CCDC171: variants seen among roughly 807,000 people sequenced by gnomAD.
The protein encoded by CCDC171 is coiled-coil domain-containing protein 171.
In CCDC171, 177 loss-of-function variants were observed where a neutral mutation model predicts 168.2. The observed-to-expected ratio is 1.05, with a 90% CI of 0.93 to 1.19. CCDC171 has a LOEUF of 1.19. Among genes scored for constraint, CCDC171 ranks in the 50% most tolerant of loss-of-function variants. The probability of loss-of-function intolerance (pLI) is 0.00; values close to 1 mark genes in which losing one functional copy is unlikely to be tolerated. For missense variants in CCDC171, 1,991 were observed against 1,539.0 expected (o/e 1.29, Z -4.91); for synonymous variants, 687 against 540.8 (o/e 1.27, Z -3.75).
intron 11 of CCDC171, among the ~76,000 whole-genome samples, chr9:15,700,057 T>C (rs568091821): frequency 2.8e-4 from 42 of 152,152 alleles, no homozygotes; most frequent in Non-Finnish European, 5.1e-4. Context: ...TCCTCAGCCC[T>C]TGGGTGGTCG....
intron 18 of CCDC171, among the ~76,000 whole-genome samples, chr9:15,757,253 A>G (rs192304624): frequency 1.8e-4 from 27 of 152,348 alleles, no homozygotes; most frequent in African/African-American, 6.5e-4. Context: ...TCTGATAGAT[A>G]TATGGACAAT....
chr9:15,659,441 CT>C (rs2133005159), intron 8 of CCDC171, among the ~76,000 whole-genome samples: 1 of 152,220 alleles, frequency 6.6e-6, no homozygotes, highest in East Asian at 1.9e-4. Flanking sequence ...AAGAGATTAA[CT>C]TTAATGAAGA....
In CCDC171 at chr9:15,777,801, GT is replaced by G. The variant is rs762562922; in HGVS notation, c.2876del (p.Leu959CysfsTer37). 1.7e-5 allele frequency: 28 copies of G among 1,610,800 alleles called. No individual in the cohort carries two copies. The South Asian group carries it at 3.1e-4, about 18-fold the overall frequency. On this transcript the variant is annotated frameshift_variant, in exon 19 of 26. Transcript: ENST00000380701. LOFTEE classifies it high-confidence loss of function. ...GTAAACACACTGGCCCTGAAATATG[GT>G]TTGCGTGGCCATGTGCCCATTACGG... ...HKVNTLALKYGLRGHVPITKS... is the reference protein window; with the variant it reads ...HKVNTLALKYXLRGHVPITKS...
At chr9:16,019,694 T>A (rs984557778) in intron 3 of CCDC171, among the ~76,000 whole-genome samples, 3 of 152,232 alleles carry the variant, frequency 2.0e-5, no homozygotes, top group Admixed American at 6.5e-5. Context: ...ATTTTAAATA[T>A]TTACTTTCAT....
the CCDC171 span, among the ~76,000 whole-genome samples, chr9:16,104,832 T>G: frequency 3.3e-5 from 5 of 152,144 alleles, no homozygotes; most frequent in Non-Finnish European, 2.9e-5. Flanking sequence ...AATATAGATG[T>G]GGGCCTTGAC....
chr9:15,615,372 G>C (rs920474312), intron 6 of CCDC171, among the ~76,000 whole-genome samples: 1 of 152,054 alleles, frequency 6.6e-6, no homozygotes, highest in African/African-American at 2.4e-5. Flanking sequence ...ACATGTTTGT[G>C]TGTTTGTATG....
At chr9:15,581,692 A>C (rs1017142975) in intron 4 of CCDC171, among the ~76,000 whole-genome samples, 1 of 152,128 alleles carries the variant, frequency 6.6e-6, no homozygotes, top group Non-Finnish European at 1.5e-5. Flanking sequence ...AGGATTCCCT[A>C]TTTAATAAAT....
Position 15,811,253 on chromosome 9 carries a change from ACT to A in CCDC171, c.3267+26564_3267+26565del, listed in dbSNP as rs2059344316. Among the ~76,000 whole-genome samples the A allele has an allele frequency of 2.6e-5, 4 of 152,308 alleles. No homozygotes were observed. The South Asian group carries it at 8.3e-4, about 32-fold the overall frequency. ...ATGGAACTTGTTGAATAGTTATCAA[ACT>A]CTCTAACAACCCTTATGTCAGTGAA... On this transcript the variant is annotated intron_variant, in intron 21 of 25. Coordinates refer to ENST00000380701, the MANE Select transcript of CCDC171 (RefSeq NM_173550.4).
Position 15,571,712 on chromosome 9 carries a change from T to G in CCDC171, c.130T>G (p.Trp44Gly). 6.3e-7 allele frequency: 1 copy of G among 1,590,650 alleles called. No individual in the cohort carries two copies. Among genetic ancestry groups the G allele is most frequent in the Non-Finnish European group, 8.5e-7 (1 of 1,173,916 alleles). The change falls in exon 3 of 26, where the codon TGG becomes GGG. Residue 44 changes from tryptophan to glycine, a missense_variant. Transcript: ENST00000380701. ...ITDNLRKKLH[W>G]AKKEKLEITT... ...TGATAATCTCAGGAAGAAACTCCAT[T>G]GGGCTAAAAAAGAAAAGTTAGAAAT...
intron 6 of CCDC171, among the ~76,000 whole-genome samples, chr9:15,600,287 A>G (rs1035610565): frequency 6.6e-6 from 1 of 151,934 alleles, no homozygotes; most frequent in Non-Finnish European, 1.5e-5. Context: ...GTGATCTTTG[A>G]TGATGGTGAT....
Position 15,857,471 on chromosome 9 carries a change from G to A in CCDC171, c.3468+8524G>A, listed in dbSNP as rs1371347877. Among the ~76,000 whole-genome samples, 5 of 152,044 alleles carry A rather than the reference G, an allele frequency of 3.3e-5. No individual in the cohort carries two copies. In the East Asian group the frequency reaches 9.7e-4, roughly 29 times the overall value. ...AAAGTTCTGCTCTGTCGCTAAGGCT[G>A]GAGTACAGTGGCGTGATCTCGGCTC... On this transcript the variant is annotated intron_variant, in intron 23 of 25. Transcript: ENST00000380701.
At chr9:15,995,968 T>C (rs1339566788) in intron 3 of CCDC171, among the ~76,000 whole-genome samples, 1 of 152,194 alleles carries the variant, frequency 6.6e-6, no homozygotes, top group East Asian at 1.9e-4. Context: ...GTTTATCACT[T>C]TCAGCATAAA....
At chr9:15,751,249 A>G (rs1445543610) in intron 18 of CCDC171, among the ~76,000 whole-genome samples, 2 of 152,222 alleles carry the variant, frequency 1.3e-5, no homozygotes, top group Non-Finnish European at 2.9e-5. Context: ...TTCAAGGAGA[A>G]CTACAAACCA....
intron 24 of CCDC171, among the ~76,000 whole-genome samples, chr9:15,910,405 C>T (rs1823447731): frequency 6.6e-6 from 1 of 152,112 alleles, no homozygotes; most frequent in Non-Finnish European, 1.5e-5. Context: ...CTCGCTTCTC[C>T]ATTCTGTTCC....
At chr9:15,992,462 T>C (rs1239128491) in intron 3 of CCDC171, among the ~76,000 whole-genome samples, 1 of 152,126 alleles carries the variant, frequency 6.6e-6, no homozygotes, top group Non-Finnish European at 1.5e-5. Flanking sequence ...TAAGAGCTAT[T>C]TATGACAAAC....
intron 24 of CCDC171, among the ~76,000 whole-genome samples, chr9:15,914,378 A>T (rs1213378080): frequency 6.6e-6 from 1 of 152,154 alleles, no homozygotes; most frequent in Non-Finnish European, 1.5e-5. Flanking sequence ...CAGTCTGGCT[A>T]CAGTGGCTTT....
intron 25 of CCDC171, among the ~76,000 whole-genome samples, chr9:15,960,610 A>T (rs1186467132): frequency 2.0e-5 from 3 of 152,162 alleles, no homozygotes; most frequent in Admixed American, 2.0e-4. Flanking sequence ...GCTGGAAATG[A>T]TGTGGTTATA....
chr9:15,908,365 T>G (rs1823051980), intron 24 of CCDC171, among the ~76,000 whole-genome samples: 1 of 152,176 alleles, frequency 6.6e-6, no homozygotes, highest in Admixed American at 6.5e-5. Flanking sequence ...GGGACATGGA[T>G]GTAGCTGGAA....
At chr9:15,904,226 A>T (rs1423021151) in intron 24 of CCDC171, among the ~76,000 whole-genome samples, 2 of 152,184 alleles carry the variant, frequency 1.3e-5, no homozygotes, top group Non-Finnish European at 2.9e-5. Context: ...CATAATTGTC[A>T]GATTCACCAA....
Sources: gnomAD v4.1 joint callset for allele counts (sites outside exome capture counted in the v4.1 genomes callset) on GRCh38, gnomAD v4.1.1 for gene constraint, MANE v1.5 for transcripts, NCBI Gene and HGNC (gene_info 2026-07-23, HGNC 2026-07-21) for gene names.